Variants in TNFSF4 observed in about 807,000 individuals in gnomAD.
TNFSF4 encodes the protein TNF superfamily member 4.
TNFSF4 carries 4 observed loss-of-function variants against 7.3 expected under a neutral mutation model. The observed-to-expected ratio is 0.55, with a 90% CI of 0.27 to 1.25. The LOEUF (loss-of-function observed/expected upper bound fraction) is 1.25. Ranked by LOEUF, TNFSF4 falls within the 50% of genes most tolerant of loss-of-function variation. The pLI, the probability that TNFSF4 is intolerant of heterozygous loss-of-function variation, is 0.12. For synonymous variants in TNFSF4, 76 were observed against 83.7 expected (o/e 0.91, Z 0.50); for missense variants, 181 against 208.8 (o/e 0.87, Z 0.82).
rs749777853 is a variant in TNFSF4, at chr1:173,185,206, A to G, written c.*1310T>C. On this transcript the variant is annotated 3_prime_UTR_variant, in exon 3 of 3. Transcript: ENST00000281834. ...CATGTGCTACAATTTTAAAATACATATCTCAAAAATTTATGTTTATAAAAG... is the reference window on the plus strand; with the variant it reads ...CATGTGCTACAATTTTAAAATACATGTCTCAAAAATTTATGTTTATAAAAG... 12 of 152,356 alleles carry G rather than the reference A, an allele frequency of 7.9e-5. No homozygotes were observed. Among genetic ancestry groups the G allele is most frequent in the Non-Finnish European group, 1.6e-4 (11 of 68,042 alleles). 9.4% of individuals were successfully genotyped at this position (152,356 alleles called of 1,614,324 possible). A position where few individuals can be genotyped will look rare whatever the true frequency, so the allele number is the denominator to read the frequency against.
the TNFSF4 span, among the ~76,000 whole-genome samples, chr1:173,441,305 C>A: frequency 0.19 from 28,267 of 151,954 alleles, 2,705 homozygotes; most frequent in East Asian, 0.31. Context: ...CTAGTTTCTA[C>A]CTCAATCTCA....
At chr1:173,359,442 GT>G in the TNFSF4 span, among the ~76,000 whole-genome samples, 1 of 117,430 alleles carries the variant, frequency 8.5e-6, no homozygotes, top group South Asian at 3.2e-4. Flanking sequence ...GAGTCTAAGA[GT>G]TTTATATTTA....
chr1:173,423,912 C>T, the TNFSF4 span, among the ~76,000 whole-genome samples: 2 of 152,134 alleles, frequency 1.3e-5, no homozygotes, highest in Non-Finnish European at 2.9e-5. Flanking sequence ...AAGGTGCCAG[C>T]AGGTTTGGTG....
At chr1:173,190,866 A>C (rs926813583) in intron 1 of TNFSF4, among the ~76,000 whole-genome samples, 2 of 152,246 alleles carry the variant, frequency 1.3e-5, no homozygotes, top group African/African-American at 4.8e-5. Flanking sequence ...TGCCAACTTA[A>C]GCAAGTTTCA....
chr1:173,175,234 T>C, the TNFSF4 span: 1 of 152,224 alleles, frequency 6.6e-6, no homozygotes, highest in South Asian at 2.1e-4. Flanking sequence ...ATACAGCTGA[T>C]AAGTGGTGGT....
chr1:173,306,616 C>T, the TNFSF4 span, among the ~76,000 whole-genome samples: 1 of 151,920 alleles, frequency 6.6e-6, no homozygotes, highest in Non-Finnish European at 1.5e-5. Flanking sequence ...ACTTCCTACA[C>T]TTGTCTACAC....
chr1:173,299,619 T>C, the TNFSF4 span, among the ~76,000 whole-genome samples: 1 of 151,994 alleles, frequency 6.6e-6, no homozygotes, highest in African/African-American at 2.4e-5. Context: ...AGGTAACTCA[T>C]AAGTGCTTTT....
chr1:173,343,427 C>T, the TNFSF4 span, among the ~76,000 whole-genome samples: 8 of 152,282 alleles, frequency 5.3e-5, no homozygotes, highest in South Asian at 2.1e-4. Context: ...GACTCTGAGG[C>T]AGGAGACAGC....
the TNFSF4 span, among the ~76,000 whole-genome samples, chr1:173,266,181 T>C: frequency 1.3e-5 from 2 of 152,060 alleles, no homozygotes; most frequent in Admixed American, 6.5e-5. Flanking sequence ...AGAAAGAATG[T>C]GAAGGATGAG....
the TNFSF4 span, among the ~76,000 whole-genome samples, chr1:173,316,287 C>A: frequency 1.3e-5 from 2 of 151,774 alleles, no homozygotes. Flanking sequence ...ATATATATGT[C>A]AAAACATCGT....
chr1:173,419,354 A>T, the TNFSF4 span, among the ~76,000 whole-genome samples: 1 of 151,752 alleles, frequency 6.6e-6, no homozygotes, highest in Non-Finnish European at 1.5e-5. Flanking sequence ...AAAAAAAAAA[A>T]AAAAAGAAGA....
the TNFSF4 span, among the ~76,000 whole-genome samples, chr1:173,240,921 T>A: frequency 6.6e-6 from 1 of 152,222 alleles, no homozygotes; most frequent in Non-Finnish European, 1.5e-5. Flanking sequence ...TGATTACTAT[T>A]AAGATTTAGC....
At chr1:173,245,194 A>G in the TNFSF4 span, among the ~76,000 whole-genome samples, 1 of 152,186 alleles carries the variant, frequency 6.6e-6, no homozygotes, top group African/African-American at 2.4e-5. Flanking sequence ...AAAAGTAGAC[A>G]TTACCTTCTT....
At chr1:173,208,231 TTTAC>T (rs905105488), upstream of TNFSF4, among the ~76,000 whole-genome samples, 3 of 152,144 alleles carry the variant, frequency 2.0e-5, no homozygotes, top group Non-Finnish European at 4.4e-5. Context: ...TGGGCAAATA[TTTAC>T]TGAGTACATC....
the TNFSF4 span, among the ~76,000 whole-genome samples, chr1:173,255,200 A>C: frequency 4.6e-5 from 7 of 152,348 alleles, no homozygotes; most frequent in Non-Finnish European, 7.3e-5. Flanking sequence ...GTACAATTAC[A>C]GCATGTGTCT....
the TNFSF4 span, among the ~76,000 whole-genome samples, chr1:173,334,748 T>C: frequency 6.6e-6 from 1 of 152,142 alleles, no homozygotes; most frequent in Non-Finnish European, 1.5e-5. Context: ...ATGAGAGAAT[T>C]ATCCTTGCCT....
At chr1:173,191,361 C>T (rs570549287) in intron 1 of TNFSF4, among the ~76,000 whole-genome samples, 2 of 152,298 alleles carry the variant, frequency 1.3e-5, no homozygotes, top group South Asian at 4.1e-4. Flanking sequence ...GTTTGCATAT[C>T]CTCAGAAGTC....
chr1:173,363,536 C>T, the TNFSF4 span: 2 of 481,654 alleles, frequency 4.2e-6, no homozygotes, highest in Admixed American at 2.3e-5. Flanking sequence ...TTCTTAAGAG[C>T]ACAAAATATA....
the TNFSF4 span, among the ~76,000 whole-genome samples, chr1:173,395,037 T>TGATAGATAGATAGATA: frequency 1.2e-4 from 11 of 94,068 alleles, no homozygotes; most frequent in East Asian, 3.4e-4. Flanking sequence ...GATAGATAGA[T>TGATAGATAGATAGATA]GATAGATAGA....
Sources: allele counts gnomAD v4.1 joint callset (sites outside exome capture counted in the v4.1 genomes callset), GRCh38; gene constraint gnomAD v4.1.1; transcripts MANE v1.5; gene names NCBI Gene and HGNC (gene_info 2026-07-23, HGNC 2026-07-21).